The following VIPR2 variants were observed in gnomAD, a reference collection of about 807,000 sequenced individuals.
The protein encoded by VIPR2 is vasoactive intestinal peptide receptor 2, also known as vasoactive intestinal polypeptide receptor 2.
Under a neutral mutation model 58.0 loss-of-function variants are expected in VIPR2, and 48 were observed. That is an observed-to-expected ratio of 0.83 (90% confidence interval 0.66 to 1.05). VIPR2 has a LOEUF of 1.05. VIPR2 is among the 50% of genes least tolerant of loss of function. VIPR2 has a pLI of 0.00. For missense variants in VIPR2, 534 were observed against 558.0 expected (o/e 0.96, Z 0.43); for synonymous variants, 243 against 235.2 (o/e 1.03, Z -0.30).
chr7:159,050,648 A>G (rs1854946417), intron 5 of VIPR2, among the ~76,000 whole-genome samples: 1 of 152,138 alleles, frequency 6.6e-6, no homozygotes, highest in African/African-American at 2.4e-5. Context: ...TGAAAAATAT[A>G]GGAAAAAATA....
intron 8 of VIPR2, 64 bp downstream of exon 8, chr7:159,035,888 G>A (rs975088792): frequency 2.9e-5 from 45 of 1,578,038 alleles, no homozygotes; most frequent in Non-Finnish European, 3.6e-5. Flanking sequence ...GGCTTCCAAA[G>A]GACTTCATGT....
intron 4 of VIPR2, among the ~76,000 whole-genome samples, chr7:159,063,031 G>C (rs1390575321): frequency 1.3e-5 from 2 of 152,206 alleles, no homozygotes; most frequent in Non-Finnish European, 1.5e-5. Flanking sequence ...CTCTTAGCTA[G>C]ACATAAAGGT....
intron 4 of VIPR2, among the ~76,000 whole-genome samples, chr7:159,065,825 A>T (rs1856047887): frequency 6.6e-6 from 1 of 152,328 alleles, no homozygotes; most frequent in South Asian, 2.1e-4. Flanking sequence ...TACGTTCTCG[A>T]CCACAGTGTC....
chr7:159,078,165 T>C (rs1407865774), intron 4 of VIPR2, among the ~76,000 whole-genome samples: 1 of 152,208 alleles, frequency 6.6e-6, no homozygotes, highest in Non-Finnish European at 1.5e-5. Flanking sequence ...ATTGTTCACA[T>C]TGAAACTTCC....
At chr7:159,092,703 T>G (rs192342148) in intron 4 of VIPR2, among the ~76,000 whole-genome samples, 89 of 148,672 alleles carry the variant, frequency 6.0e-4, no homozygotes, top group Non-Finnish European at 1.1e-3. Context: ...CAGGCTGGAG[T>G]GCAGTGGTGC....
At chr7:159,132,788 A>AGAGATTGATTT in intron 2 of VIPR2, among the ~76,000 whole-genome samples, 5 of 142,602 alleles carry the variant, frequency 3.5e-5, no homozygotes, top group South Asian at 2.2e-4. Flanking sequence ...TGATTGGCAT[A>AGAGATTGATTT]CAGACTGATT....
intron 2 of VIPR2, among the ~76,000 whole-genome samples, chr7:159,137,431 G>A (rs34840278): frequency 0.16 from 23,922 of 152,220 alleles, 2,475 homozygotes; most frequent in East Asian, 0.5. Flanking sequence ...CCAGGCTGGA[G>A]TGCAGTGGTG....
At chr7:159,065,710 A>G (rs1025888201) in intron 4 of VIPR2, among the ~76,000 whole-genome samples, 1 of 152,216 alleles carries the variant, frequency 6.6e-6, no homozygotes, top group African/African-American at 2.4e-5. Flanking sequence ...GGAAACGAGA[A>G]GACATCAGGG....
chr7:159,123,687 G>A (rs1482108512), intron 2 of VIPR2, among the ~76,000 whole-genome samples: 1 of 152,100 alleles, frequency 6.6e-6, no homozygotes, highest in African/African-American at 2.4e-5. Flanking sequence ...GGGATTGCTG[G>A]GTCAAATGGT....
chr7:159,085,756 A>T (rs887317906), intron 4 of VIPR2, among the ~76,000 whole-genome samples: 4 of 152,018 alleles, frequency 2.6e-5, no homozygotes, highest in Non-Finnish European at 5.9e-5. Context: ...ATTCCATCTG[A>T]AAAGGCCCAC....
chr7:159,141,466 G>A (rs147777581), intron 2 of VIPR2, among the ~76,000 whole-genome samples: 4 of 152,356 alleles, frequency 2.6e-5, no homozygotes, highest in Non-Finnish European at 2.9e-5. Context: ...CGTGGAGACC[G>A]CTGGCCGCCT....
At chr7:159,045,995 A>T (rs1854625850) in intron 5 of VIPR2, among the ~76,000 whole-genome samples, 1 of 151,976 alleles carries the variant, frequency 6.6e-6, no homozygotes, top group Admixed American at 6.6e-5. Flanking sequence ...GTCAATAAGC[A>T]CATAAAACCA....
rs112686037 is a variant in VIPR2, at chr7:159,031,483, C to G, written c.1143+345G>C. On this transcript the variant is annotated intron_variant, in intron 12 of 12. Transcript: ENST00000262178. The surrounding 1 kb of genome is among the most constrained non-coding windows in gnomAD (Gnocchi z 4.0). The stretch of plus-strand genomic sequence containing the variant: ...CACCCCCCAACCCAGGCCCGGCTTT[C>G]TGGGACTCACAAGCTATGGTCAGGA... 3.0e-6 allele frequency: 3 copies of G among 985,106 alleles called. No homozygotes were observed. In the African/African-American group the frequency reaches 5.2e-5, roughly 17 times the overall value. The allele number at this position is 985,106 out of a possible 1,614,324, so 61.0% of individuals were successfully genotyped here. A position where few individuals can be genotyped will look rare whatever the true frequency, so the allele number is the denominator to read the frequency against.
chr7:159,038,313 T>C (rs1313375635), intron 6 of VIPR2, among the ~76,000 whole-genome samples: 3 of 152,148 alleles, frequency 2.0e-5, no homozygotes, highest in Admixed American at 6.5e-5. Flanking sequence ...GGGTGGGTGC[T>C]TCATTTTCTG....
rs1797625727 is a variant in VIPR2 at position 159,144,822 on chromosome 7, G to A, written c.-51C>T. 1 of 1,231,584 alleles carries A rather than the reference G, an allele frequency of 8.1e-7. No individual in the cohort carries two copies. Among genetic ancestry groups the A allele is most frequent in the South Asian group, 4.0e-5 (1 of 25,092 alleles). The allele number at this position is 1,231,584 out of a possible 1,614,324, so 76.3% of individuals were successfully genotyped here. On this transcript the variant is annotated 5_prime_UTR_variant, in exon 1 of 13. Coordinates refer to ENST00000262178, the MANE Select transcript of VIPR2 (RefSeq NM_003382.5). ...CCCAGCGCCCGCCGCCTCCGTCCTAGGTCCCCGCGGTTCCGCCGCCTCCAG... is the reference window on the plus strand; with the variant it reads ...CCCAGCGCCCGCCGCCTCCGTCCTAAGTCCCCGCGGTTCCGCCGCCTCCAG...
intron 4 of VIPR2, among the ~76,000 whole-genome samples, chr7:159,077,549 G>C (rs13438444): frequency 6.3e-3 from 878 of 138,932 alleles, no homozygotes; most frequent in African/African-American, 0.025. Flanking sequence ...ACTACAGTGT[G>C]CCTGTTATCA....
intron 3 of VIPR2, among the ~76,000 whole-genome samples, chr7:159,105,148 G>A (rs1285673517): frequency 6.6e-6 from 1 of 152,188 alleles, no homozygotes; most frequent in East Asian, 1.9e-4. Flanking sequence ...AACAGTAAGT[G>A]ATAAAGCTCT....
intron 1 of VIPR2, among the ~76,000 whole-genome samples, chr7:159,143,380 CA>C (rs1797553593): frequency 6.6e-6 from 1 of 152,110 alleles, no homozygotes; most frequent in Admixed American, 6.5e-5. Context: ...CCTCCCCCAC[CA>C]CCGACCAAAA....
intron 2 of VIPR2, among the ~76,000 whole-genome samples, chr7:159,123,320 GA>G (rs1209464094): frequency 1.3e-4 from 13 of 103,740 alleles, no homozygotes; most frequent in East Asian, 6.7e-4. Flanking sequence ...AAAAAAGAAA[GA>G]AAAAAAAACC....
Sources: gnomAD v4.1 joint callset for allele counts (sites outside exome capture counted in the v4.1 genomes callset) on GRCh38, gnomAD v4.1.1 for gene constraint, Gnocchi (gnomAD v3.1) non-coding constraint, MANE v1.5 for transcripts, NCBI Gene and HGNC (gene_info 2026-07-23, HGNC 2026-07-21) for gene names.